The following PRKAG2 variants were observed in gnomAD, a reference collection of about 807,000 sequenced individuals.
PRKAG2 encodes 5'-AMP-activated protein kinase subunit gamma-2.
In PRKAG2, 26 loss-of-function variants were observed where a neutral mutation model predicts 69.6. The observed-to-expected ratio is 0.37, with a 90% CI of 0.27 to 0.52. PRKAG2 has a LOEUF of 0.52. Ranked by LOEUF, PRKAG2 falls within the 20% of genes least tolerant of loss-of-function variation. PRKAG2 has a pLI of 0.90. For synonymous variants in PRKAG2, 293 were observed against 285.0 expected, an observed-to-expected ratio of 1.03 and a Z score of -0.28; for missense variants, 557 against 740.0, an observed-to-expected ratio of 0.75 and a Z score of 2.87.
At chr7:151,697,868 G>A (rs752589487) in intron 3 of PRKAG2, among the ~76,000 whole-genome samples, 3 of 152,200 alleles carry the variant, frequency 2.0e-5, no homozygotes, top group African/African-American at 4.8e-5. Flanking sequence ...CGGGTGTAAC[G>A]GGTCAAGGCG....
intron 10 of PRKAG2, among the ~76,000 whole-genome samples, chr7:151,569,053 T>C (rs1055731380): frequency 2.4e-4 from 36 of 152,224 alleles, no homozygotes; most frequent in African/African-American, 8.4e-4. Context: ...TACAAATCTC[T>C]AGAAGAGGAG....
intron 1 of PRKAG2, among the ~76,000 whole-genome samples, chr7:151,815,548 A>C (rs1037578325): frequency 1.3e-5 from 2 of 152,124 alleles, no homozygotes; most frequent in Non-Finnish European, 2.9e-5. Flanking sequence ...AAACCACAAT[A>C]AAGTCTCTTG....
intron 1 of PRKAG2, among the ~76,000 whole-genome samples, chr7:151,874,783 G>A (rs898081710): frequency 1.3e-5 from 2 of 152,306 alleles, no homozygotes; most frequent in Non-Finnish European, 2.9e-5. Flanking sequence ...AGTTACTCAG[G>A]AGGCTGAGGT....
chr7:151,675,718 G>C (rs762788243), intron 3 of PRKAG2, 81 bp from the exon 4 acceptor site: 7 of 1,369,320 alleles, frequency 5.1e-6, no homozygotes, highest in Non-Finnish European at 7.3e-6. Flanking sequence ...CTGGTCTCCA[G>C]GAAGGGAGAT....
intron 5 of PRKAG2, among the ~76,000 whole-genome samples, chr7:151,611,497 G>A (rs1287655386): frequency 6.6e-6 from 1 of 152,194 alleles, no homozygotes; most frequent in Non-Finnish European, 1.5e-5. Flanking sequence ...AAATCAGTAA[G>A]TGATGAGGAA....
chr7:151,690,969 A>G (rs1835570517), intron 3 of PRKAG2, among the ~76,000 whole-genome samples: 1 of 152,240 alleles, frequency 6.6e-6, no homozygotes, highest in South Asian at 2.1e-4. Context: ...TGCTTTGTAC[A>G]TAGTGCTCAA....
chr7:151,574,031 G>A lies in PRKAG2; in HGVS notation c.1005+860C>T, dbSNP rs190441703. Among the ~76,000 whole-genome samples the A allele has an allele frequency of 3.2e-3, 490 of 151,604 alleles. 8 individuals are homozygous for A. The highest frequency in any genetic ancestry group is 1.4e-3 in the Non-Finnish European group (96 of 67,816). On this transcript the variant is annotated intron_variant, in intron 8 of 15. Transcript: ENST00000287878. ...TGACCTCAAGTGATCCACTTACTTC[G>A]GCTTCCCAAAGTGCTGGGATTACAG... is the stretch of plus-strand genomic sequence containing the variant.
intron 4 of PRKAG2, among the ~76,000 whole-genome samples, chr7:151,648,981 C>T (rs1379281810): frequency 2.6e-5 from 4 of 151,902 alleles, no homozygotes; most frequent in Non-Finnish European, 4.4e-5. Flanking sequence ...GCCTCTTGAC[C>T]GAAAGACGTA....
intron 5 of PRKAG2, among the ~76,000 whole-genome samples, chr7:151,621,894 T>C (rs1195506755): frequency 6.6e-6 from 1 of 152,210 alleles, no homozygotes; most frequent in Non-Finnish European, 1.5e-5. Flanking sequence ...TGATCAACGT[T>C]ACTTTTAAAG....
intron 5 of PRKAG2, among the ~76,000 whole-genome samples, chr7:151,619,745 C>T (rs977265953): frequency 1.3e-5 from 2 of 152,120 alleles, no homozygotes; most frequent in African/African-American, 2.4e-5. Context: ...CGGCTAGACG[C>T]GGTGGCTCAT....
chr7:151,863,003 GTGCTGGTAGACCC>G (rs1433759706), intron 1 of PRKAG2, among the ~76,000 whole-genome samples: 2 of 147,844 alleles, frequency 1.4e-5, no homozygotes, highest in South Asian at 2.2e-4. Flanking sequence ...GGTGCAGGGG[GTGCTGGTAGACCC>G]CAGGTGCAGG....
intron 11 of PRKAG2, among the ~76,000 whole-genome samples, chr7:151,566,894 T>A (rs1465639147): frequency 6.6e-6 from 1 of 152,188 alleles, no homozygotes; most frequent in Non-Finnish European, 1.5e-5. Context: ...AAGTTCTATA[T>A]TTTTAACTGA....
intron 1 of PRKAG2, among the ~76,000 whole-genome samples, chr7:151,834,551 C>T (rs544038102): frequency 6.6e-6 from 1 of 152,354 alleles, no homozygotes; most frequent in African/African-American, 2.4e-5. Flanking sequence ...ACAGCGCACC[C>T]TCAGGTGAGA....
intron 6 of PRKAG2, among the ~76,000 whole-genome samples, chr7:151,585,948 T>C (rs6946498): frequency 0.15 from 23,502 of 152,206 alleles, 2,006 homozygotes; most frequent in East Asian, 0.27. Context: ...CTGATGCCAG[T>C]GGGATCTTCC....
chr7:151,823,388 G>T (rs1232288422), intron 1 of PRKAG2, among the ~76,000 whole-genome samples: 1 of 151,328 alleles, frequency 6.6e-6, no homozygotes, highest in Non-Finnish European at 1.5e-5. Flanking sequence ...AAAGACATTG[G>T]AGTCTTCACT....
intron 5 of PRKAG2, among the ~76,000 whole-genome samples, chr7:151,610,722 T>C (rs1818589441): frequency 7.0e-6 from 1 of 142,524 alleles, no homozygotes; most frequent in Admixed American, 7.4e-5. Flanking sequence ...TAGCATATTA[T>C]AAATATTTTT....
intron 5 of PRKAG2, among the ~76,000 whole-genome samples, chr7:151,610,923 T>C (rs1056669351): frequency 6.6e-6 from 1 of 151,704 alleles, no homozygotes; most frequent in Non-Finnish European, 1.5e-5. Flanking sequence ...AACTAATTTT[T>C]GTACTTTTTT....
intron 3 of PRKAG2, among the ~76,000 whole-genome samples, chr7:151,776,707 C>T (rs764500741): frequency 1.1e-4 from 16 of 152,202 alleles, no homozygotes; most frequent in Admixed American, 3.9e-4. Flanking sequence ...TGGAGGAAGG[C>T]GCAGATGGCA....
At position 151,826,246 on chromosome 7, in the gene PRKAG2, C is replaced by T. The variant is rs560005920; in HGVS notation, c.115-39705G>A. On this transcript the variant is annotated intron_variant, in intron 1 of 15. Coordinates refer to ENST00000287878, the MANE Select transcript of PRKAG2 (RefSeq NM_016203.4). ...CCTAGGCTGGAGTGCAGTGGCGTGA[C>T]CTCGGCTCACTGCAACTTCCACCTC... is the stretch of plus-strand genomic sequence containing the variant. 9.2e-4 allele frequency among the ~76,000 whole-genome samples: 139 copies of T among 151,870 alleles called. No homozygotes were observed. In the South Asian group the frequency reaches 0.017, roughly 18 times the overall value.
Sources: allele counts gnomAD v4.1 joint callset (sites outside exome capture counted in the v4.1 genomes callset), GRCh38; gene constraint gnomAD v4.1.1; transcripts MANE v1.5; gene names NCBI Gene and HGNC (gene_info 2026-07-23, HGNC 2026-07-21).